Variants in SPRY3 observed in about 807,000 individuals in gnomAD.
SPRY3 encodes protein sprouty homolog 3.
SPRY3 carries 15 observed loss-of-function variants against 20.2 expected under a neutral mutation model. The ratio of observed to expected loss-of-function variants is 0.74; its 90% CI spans 0.50 to 1.14. The LOEUF (loss-of-function observed/expected upper bound fraction) is 1.14, where lower values mean the gene tolerates loss of function less well. SPRY3 is among the 50% of genes most tolerant of loss of function. The probability of loss-of-function intolerance (pLI) is 0.00; values close to 1 mark genes in which losing one functional copy is unlikely to be tolerated. For synonymous variants in SPRY3, 143 were observed against 136.5 expected (o/e 1.05, Z -0.33); for missense variants, 364 against 363.9 (o/e 1.00, Z 0.00).
chrX:155,738,319 T>C (rs2091182333), intron 2 of SPRY3, among the ~76,000 whole-genome samples: 2 of 150,034 alleles, frequency 1.3e-5, no homozygotes, highest in Non-Finnish European at 2.9e-5. Flanking sequence ...TTCCACAATA[T>C]ATATAAAGTG....
chrX:155,749,125 C>CT (rs1488288380), intron 2 of SPRY3, among the ~76,000 whole-genome samples: 1 of 151,930 alleles, frequency 6.6e-6, no homozygotes, highest in Non-Finnish European at 1.5e-5. Flanking sequence ...TAAAAATAAG[C>CT]TTTTACAAAA....
At chrX:155,724,604 T>C (rs2091084964) in intron 2 of SPRY3, among the ~76,000 whole-genome samples, 1 of 152,168 alleles carries the variant, frequency 6.6e-6, no homozygotes, top group Non-Finnish European at 1.5e-5. Flanking sequence ...GGCTCTCTGT[T>C]TGTCTGTTAT....
At chrX:155,659,908 C>A (rs1308918849) in intron 2 of SPRY3, among the ~76,000 whole-genome samples, 1 of 111,688 alleles carries the variant, frequency 9.0e-6, no homozygotes, top group Admixed American at 9.5e-5. Flanking sequence ...TTATTTGTAT[C>A]TTCTCTCTTT....
intron 1 of SPRY3, among the ~76,000 whole-genome samples, chrX:155,647,338 G>A (rs1557351963): frequency 9.2e-6 from 1 of 108,359 alleles, no homozygotes; most frequent in East Asian, 2.9e-4. Context: ...TTTAAGTTCT[G>A]GTATACATGT....
exon 4 of SPRY3, chrX:155,774,410 G>A (rs1433101786): frequency 6.2e-7 from 1 of 1,613,906 alleles, no homozygotes; most frequent in Non-Finnish European, 8.5e-7. Flanking sequence ...TCTGCTGAGA[G>A]CCTCCTCGAT....
intron 2 of SPRY3, among the ~76,000 whole-genome samples, chrX:155,664,590 T>C (rs1415569712): frequency 9.0e-6 from 1 of 110,554 alleles, no homozygotes; most frequent in Non-Finnish European, 1.9e-5. Context: ...ATATAGAGTA[T>C]ATAATAAATC....
chrX:155,644,417 T>G, intron 1 of SPRY3, among the ~76,000 whole-genome samples: 1 of 110,567 alleles, frequency 9.0e-6, no homozygotes, highest in East Asian at 2.9e-4. Flanking sequence ...CCTGTGTTTT[T>G]CCTTTCAGGG....
At chrX:155,654,819 A>C (rs1340585059) in intron 1 of SPRY3, among the ~76,000 whole-genome samples, 1 of 110,071 alleles carries the variant, frequency 9.1e-6, no homozygotes, top group African/African-American at 3.3e-5. Flanking sequence ...ATAGTGCTGC[A>C]ATAAACATAT....
intron 2 of SPRY3, among the ~76,000 whole-genome samples, chrX:155,734,164 C>T (rs1316687049): frequency 7.9e-5 from 12 of 152,108 alleles, no homozygotes; most frequent in South Asian, 2.1e-4. Context: ...TCCTGCCTTC[C>T]GACATGTCTT....
intron 2 of SPRY3, among the ~76,000 whole-genome samples, chrX:155,705,478 C>T (rs2090943875): frequency 6.6e-6 from 1 of 151,210 alleles, no homozygotes; most frequent in East Asian, 1.9e-4. Flanking sequence ...AAATAGAAAA[C>T]AGCTAAGAAA....
At chrX:155,694,114 TA>T (rs1379677879) in intron 2 of SPRY3, among the ~76,000 whole-genome samples, 1 of 112,717 alleles carries the variant, frequency 8.9e-6, no homozygotes, top group Non-Finnish European at 1.9e-5. Flanking sequence ...CATAGACCAT[TA>T]ATTCTTAATG....
At chrX:155,680,016 G>A (rs1345087937) in intron 2 of SPRY3, among the ~76,000 whole-genome samples, 1 of 110,360 alleles carries the variant, frequency 9.1e-6, no homozygotes, top group Non-Finnish European at 1.9e-5. Flanking sequence ...GAAACCAAGA[G>A]AGTGTATCAA....
chrX:155,727,690 G>A (rs1469252971), intron 2 of SPRY3, among the ~76,000 whole-genome samples: 1 of 152,004 alleles, frequency 6.6e-6, no homozygotes, highest in Non-Finnish European at 1.5e-5. Flanking sequence ...ATTCTAGTTA[G>A]CCATTCATCT....
intron 2 of SPRY3, among the ~76,000 whole-genome samples, chrX:155,720,173 G>A (rs1366590986): frequency 6.6e-6 from 1 of 152,154 alleles, no homozygotes; most frequent in Non-Finnish European, 1.5e-5. Flanking sequence ...CTCCTCATGG[G>A]CCTGTGATCG....
chrX:155,673,126 A>G (rs2124561490), intron 2 of SPRY3, among the ~76,000 whole-genome samples: 1 of 98,682 alleles, frequency 1.0e-5, no homozygotes, highest in East Asian at 3.4e-4. Context: ...ATGACAAGTT[A>G]ATGGGTGCAG....
intron 2 of SPRY3, among the ~76,000 whole-genome samples, chrX:155,740,379 C>A (rs774214408): frequency 6.6e-6 from 1 of 152,234 alleles, no homozygotes; most frequent in East Asian, 1.9e-4. Flanking sequence ...CCATATTTTT[C>A]TTCTTGCAGA....
intron 3 of SPRY3, among the ~76,000 whole-genome samples, chrX:155,769,742 A>G (rs1057404634): frequency 1.3e-5 from 2 of 152,218 alleles, no homozygotes; most frequent in Non-Finnish European, 2.9e-5. Context: ...TAATGAAACC[A>G]TTAAAGTAAT....
At chrX:155,779,697 C>T (rs2091452150), downstream of SPRY3, 1 of 166,932 alleles carries the variant, frequency 6.0e-6, no homozygotes, top group African/African-American at 2.4e-5. Flanking sequence ...AATGGCTAAA[C>T]AAGGTATTCT....
intron 2 of SPRY3, among the ~76,000 whole-genome samples, chrX:155,680,366 G>A (rs1483877049): frequency 1.8e-5 from 2 of 109,444 alleles, no homozygotes; most frequent in Non-Finnish European, 3.8e-5. Context: ...GAATGGTGAC[G>A]ACTTAAGGTA....
Sources: gnomAD v4.1 joint callset for allele counts (sites outside exome capture counted in the v4.1 genomes callset) on GRCh38, gnomAD v4.1.1 for gene constraint, MANE v1.5 for transcripts, NCBI Gene and HGNC (gene_info 2026-07-23, HGNC 2026-07-21) for gene names.